SNAP91: variants seen among roughly 807,000 people sequenced by gnomAD.
SNAP91 encodes clathrin coat assembly protein AP180.
SNAP91 carries 27 observed loss-of-function variants against 100.3 expected under a neutral mutation model. That is an observed-to-expected ratio of 0.27 (90% confidence interval 0.20 to 0.37). The LOEUF (loss-of-function observed/expected upper bound fraction) is 0.37, where lower values mean the gene tolerates loss of function less well. Ranked by LOEUF, SNAP91 falls within the 10% of genes least tolerant of loss-of-function variation. The probability of loss-of-function intolerance (pLI) is 1.00; values close to 1 mark genes in which losing one functional copy is unlikely to be tolerated. For missense variants in SNAP91, 986 were observed against 1,123.7 expected (o/e 0.88, Z 1.75); for synonymous variants, 404 against 398.6 (o/e 1.01, Z -0.16).
chr6:83,625,701 T>G (rs1200605557), intron 8 of SNAP91, among the ~76,000 whole-genome samples: 2 of 152,192 alleles, frequency 1.3e-5, no homozygotes, highest in African/African-American at 4.8e-5. Flanking sequence ...TGTCTGTTCA[T>G]GTCCTTGGCC....
intron 7 of SNAP91, among the ~76,000 whole-genome samples, chr6:83,655,787 C>G (rs1466638013): frequency 6.6e-6 from 1 of 152,116 alleles, no homozygotes; most frequent in Admixed American, 6.5e-5. Flanking sequence ...ATTGTATGAA[C>G]AGATGGTTCA....
chr6:83,591,368 A>C, intron 21 of SNAP91, 74 bp from the exon 22 acceptor site: 1 of 947,272 alleles, frequency 1.1e-6, no homozygotes. Flanking sequence ...TTTAAGTATT[A>C]TGTAGAGAAA....
At chr6:83,691,442 A>T (rs2099128857) in intron 2 of SNAP91, among the ~76,000 whole-genome samples, 1 of 152,108 alleles carries the variant, frequency 6.6e-6, no homozygotes, top group Non-Finnish European at 1.5e-5. Context: ...AATATATTTC[A>T]CTGTTAGTAT....
chr6:83,593,680 C>A lies in SNAP91; in HGVS notation c.1494G>T (p.Met498Ile). The A allele has an allele frequency of 1.2e-6, 2 of 1,610,848 alleles. No individual in the cohort carries two copies. Among genetic ancestry groups the A allele is most frequent in the Middle Eastern group, 1.7e-4 (1 of 6,042 alleles). Residue 498 changes from methionine (M) to isoleucine (I), a missense_variant, in exon 18 of 30, where the codon ATG becomes ATT. By Grantham distance (10) the Met-to-Ile change is conservative. Coordinates refer to ENST00000369694, the MANE Select transcript of SNAP91 (RefSeq NM_001242792.2). ...EAAPELDLFA[M>I]KPPETSVPVV... Reference sequence around the variant, plus strand: ...CAGGAACACTGGTCTCAGGTGGCTTCATTGCAAAGAGGTCCAGCTCAGGTG... The same window carrying A: ...CAGGAACACTGGTCTCAGGTGGCTTAATTGCAAAGAGGTCCAGCTCAGGTG...
intron 8 of SNAP91, among the ~76,000 whole-genome samples, chr6:83,625,800 A>C (rs1426452461): frequency 6.6e-6 from 1 of 151,994 alleles, no homozygotes; most frequent in African/African-American, 2.4e-5. Flanking sequence ...ACAAAGGTGA[A>C]GAATATTTTC....
intron 8 of SNAP91, among the ~76,000 whole-genome samples, chr6:83,624,808 C>T (rs753557241): frequency 6.6e-6 from 1 of 152,122 alleles, no homozygotes; most frequent in Non-Finnish European, 1.5e-5. Flanking sequence ...GCCTTAATCT[C>T]TCTGGATCAA....
chr6:83,690,216 T>C, intron 2 of SNAP91: 1 of 937,200 alleles, frequency 1.1e-6, no homozygotes, highest in Non-Finnish European at 1.3e-6. Flanking sequence ...TTTCAGGGAA[T>C]ACTTACTAAT....
At chr6:83,640,681 AG>A (rs1397858710) in intron 8 of SNAP91, among the ~76,000 whole-genome samples, 2 of 152,176 alleles carry the variant, frequency 1.3e-5, no homozygotes, top group African/African-American at 4.8e-5. Context: ...AAAGTAAGAA[AG>A]GTAAGAATTT....
intron 2 of SNAP91, 112 bp from the exon 3 acceptor site, chr6:83,665,693 G>A (rs1410409096): frequency 3.7e-6 from 3 of 803,696 alleles, no homozygotes; most frequent in Non-Finnish European, 5.6e-6. Flanking sequence ...AAAGTACTTT[G>A]ATAATAGCTG....
At chr6:83,556,303 C>A in intron 28 of SNAP91, 58 bp from the exon 29 acceptor site, 1 of 308,068 alleles carries the variant, frequency 3.2e-6, no homozygotes, top group Non-Finnish European at 5.5e-6. Context: ...GAGAATGAGA[C>A]ATGGGGGGAA....
chr6:83,601,337 C>CAG lies in SNAP91; in HGVS notation c.1256_1257dup (p.Ala420LeufsTer49). ...GTAGTAGTGGAGGCAGAAGCTGAGG[C>CAG]AGTTGCAATTTCAGCAGTTGTAGTA... is the stretch of plus-strand genomic sequence containing the variant. On this transcript the variant is annotated frameshift_variant, in exon 16 of 30. Transcript: ENST00000369694. LOFTEE classifies it high-confidence loss of function. The CAG allele has an allele frequency of 6.2e-7, 1 of 1,613,584 alleles. No individual in the cohort carries two copies. The highest frequency in any genetic ancestry group is 8.5e-7 in the Non-Finnish European group (1 of 1,179,758).
chr6:83,683,922 C>T lies in SNAP91; in HGVS notation c.131-18341G>A, dbSNP rs188600803. 6.2e-3 allele frequency among the ~76,000 whole-genome samples: 939 copies of T among 152,318 alleles called. 7 individuals carry two copies. Among genetic ancestry groups the T allele is most frequent in the African/African-American group, 0.021 (891 of 41,580 alleles). ...AGTCAACCACCACACCACACAGATA[C>T]TACCTCCTACAAATCTCTGGAACAG... On this transcript the variant is annotated intron_variant, in intron 2 of 29. Coordinates refer to ENST00000369694, the MANE Select transcript of SNAP91 (RefSeq NM_001242792.2).
intron 8 of SNAP91, among the ~76,000 whole-genome samples, chr6:83,634,689 G>T (rs992940327): frequency 1.7e-4 from 26 of 152,064 alleles, no homozygotes; most frequent in Non-Finnish European, 7.4e-5. Context: ...CTAGCTTTGG[G>T]ATTAGTTTGT....
chr6:83,707,896 G>A lies in SNAP91; in HGVS notation c.32C>T (p.Ala11Val), dbSNP rs765681019. 4 of 1,595,708 alleles carry A rather than the reference G, an allele frequency of 2.5e-6. 1 individual carries two copies. In the Admixed American group the frequency reaches 7.2e-5, roughly 29 times the overall value. Reference protein sequence around the residue: MSGQTLTDRIAAAQYSVTGSA... With the variant: MSGQTLTDRIVAAQYSVTGSA... ...GCCTGTAACGCTGTACTGAGCGGCG[G>A]CGATCCGATCCGTGAGCGTTTGGCC... The change falls in exon 2 of 30, where the codon GCC (alanine) becomes GTC (valine). Residue 11 changes from alanine (A) to valine (V), a missense_variant. Physicochemically the swap from Ala to Val is moderately conservative, Grantham distance 64. Around this residue, in one of 4 missense-constraint regions of SNAP91, gnomAD observed 330 missense variants for 447.5 expected, o/e 0.74. Coordinates refer to ENST00000369694, the MANE Select transcript of SNAP91 (RefSeq NM_001242792.2).
In SNAP91 at chr6:83,708,997, G is replaced by C. The variant is rs1192990349; in HGVS notation, c.-183C>G. 6.6e-6 allele frequency: 1 copy of C among 151,688 alleles called. No homozygotes were observed. The highest frequency in any genetic ancestry group is 2.1e-4 in the South Asian group (1 of 4,820). 9.4% of individuals were successfully genotyped at this position (151,688 alleles called of 1,614,324 possible). ...GCCGGGCCCCGCTCCTCAGCTCCGC[G>C]GTCCCGGCGCCCACCGCCCCTGGCC... On this transcript the variant is annotated 5_prime_UTR_variant, in exon 1 of 30. Coordinates refer to ENST00000369694, the MANE Select transcript of SNAP91 (RefSeq NM_001242792.2).
intron 8 of SNAP91, among the ~76,000 whole-genome samples, chr6:83,634,438 G>A (rs2128494420): frequency 6.6e-6 from 1 of 152,304 alleles, no homozygotes; most frequent in East Asian, 1.9e-4. Flanking sequence ...AGTATTTGGG[G>A]TGTCTTCTGG....
At chr6:83,678,937 T>G (rs1037757677) in intron 2 of SNAP91, 1 of 1,065,518 alleles carries the variant, frequency 9.4e-7, no homozygotes. Flanking sequence ...AGAAATAATA[T>G]CTAAGTGAAA....
chr6:83,563,445 TG>T (rs1221233283), intron 26 of SNAP91, among the ~76,000 whole-genome samples: 3 of 151,820 alleles, frequency 2.0e-5, no homozygotes, highest in Non-Finnish European at 4.4e-5. Flanking sequence ...TGAAAAAAAA[TG>T]ACTGAAAACT....
intron 7 of SNAP91, among the ~76,000 whole-genome samples, chr6:83,652,698 T>C (rs922779350): frequency 1.3e-5 from 2 of 152,208 alleles, no homozygotes; most frequent in African/African-American, 4.8e-5. Flanking sequence ...ATATTCTTCC[T>C]TTCTTTATGT....
Sources: allele counts gnomAD v4.1 joint callset (sites outside exome capture counted in the v4.1 genomes callset), GRCh38; gene constraint gnomAD v4.1.1; regional missense constraint gnomAD v4.1.1; transcripts MANE v1.5; gene names NCBI Gene and HGNC (gene_info 2026-07-23, HGNC 2026-07-21).